DZIP1: variants seen among roughly 807,000 people sequenced by gnomAD.
The protein encoded by DZIP1 is cilium assembly protein DZIP1.
Under a neutral mutation model 107.6 loss-of-function variants are expected in DZIP1, and 97 were observed. That is an observed-to-expected ratio of 0.90 (90% CI 0.77 to 1.07). The LOEUF (loss-of-function observed/expected upper bound fraction) is 1.07. DZIP1 is among the 50% of genes least tolerant of loss of function. DZIP1 has a pLI of 0.00. For missense variants in DZIP1, 1,035 were observed against 1,063.6 expected, an observed-to-expected ratio of 0.97 and a Z score of 0.37; for synonymous variants, 390 against 386.4, an observed-to-expected ratio of 1.01 and a Z score of -0.11.
intron 10 of DZIP1, among the ~76,000 whole-genome samples, 168 bp downstream of exon 10, chr13:95,619,717 A>G (rs928926229): frequency 3.3e-5 from 5 of 152,156 alleles, no homozygotes; most frequent in African/African-American, 1.2e-4. Flanking sequence ...AATTATAAGA[A>G]AGTAGTAGCA....
intron 6 of DZIP1, chr13:95,630,750 G>A: frequency 2.3e-6 from 3 of 1,284,272 alleles, no homozygotes; most frequent in South Asian, 1.3e-5. Flanking sequence ...ATGTACATGT[G>A]TCTGTGAGTG....
chr13:95,627,425 T>C (rs190974675), intron 7 of DZIP1, among the ~76,000 whole-genome samples: 13 of 152,166 alleles, frequency 8.5e-5, no homozygotes, highest in Non-Finnish European at 1.6e-4. Context: ...AAATAACTCA[T>C]ACAGCTCAAC....
At chr13:95,631,466 C>CAA in intron 6 of DZIP1, among the ~76,000 whole-genome samples, 1 of 132,764 alleles carries the variant, frequency 7.5e-6, no homozygotes, top group East Asian at 2.2e-4. Context: ...GATTCCATCT[C>CAA]AAAAAAAAAA....
chr13:95,607,011 T>C (rs2044800421), intron 13 of DZIP1, among the ~76,000 whole-genome samples: 1 of 152,074 alleles, frequency 6.6e-6, no homozygotes, highest in Admixed American at 6.6e-5. Context: ...AATCTTACCC[T>C]AAAAAATACT....
intron 14 of DZIP1, among the ~76,000 whole-genome samples, chr13:95,602,946 CTTGTG>C (rs2138998435): frequency 6.6e-6 from 1 of 152,260 alleles, no homozygotes; most frequent in Admixed American, 6.5e-5. Flanking sequence ...TAAACTATTG[CTTGTG>C]TTAATTTTCA....
chr13:95,589,965 A>G, intron 17 of DZIP1, 33 bp from the exon 18 acceptor site: 3 of 1,605,818 alleles, frequency 1.9e-6, no homozygotes, highest in Non-Finnish European at 2.5e-6. Context: ...AGTCTCCATT[A>G]CCTTTATGAT....
intron 8 of DZIP1, among the ~76,000 whole-genome samples, chr13:95,623,473 G>A (rs972780878): frequency 9.9e-5 from 15 of 152,130 alleles, no homozygotes; most frequent in African/African-American, 2.4e-4. Context: ...GTAACACAAA[G>A]TCTCAGACAA....
At chr13:95,594,832 G>A (rs2044400682) in intron 15 of DZIP1, among the ~76,000 whole-genome samples, 1 of 151,562 alleles carries the variant, frequency 6.6e-6, no homozygotes, top group Non-Finnish European at 1.5e-5. Context: ...AAAAACAATA[G>A]GACATATTCT....
intron 22 of DZIP1, among the ~76,000 whole-genome samples, chr13:95,584,182 G>A (rs563648447): frequency 5.3e-5 from 8 of 151,744 alleles, no homozygotes; most frequent in African/African-American, 1.7e-4. Context: ...TCACCATGTT[G>A]GCCAGGATGG....
At chr13:95,606,750 G>A (rs1035989319) in intron 13 of DZIP1, among the ~76,000 whole-genome samples, 7 of 152,172 alleles carry the variant, frequency 4.6e-5, no homozygotes, top group African/African-American at 1.4e-4. Flanking sequence ...TCACTGGGCT[G>A]GAAGACATTA....
In DZIP1 at chr13:95,641,462, T is replaced by A. The variant is rs1878487513; in HGVS notation, c.430A>T (p.Thr144Ser). The change falls in exon 5 of 23, where the codon ACC becomes TCC. Residue 144 changes from threonine (T) to serine (S), a missense_variant. Physicochemically the swap from Thr to Ser is moderately conservative, Grantham distance 58. Coordinates refer to ENST00000376829, the MANE Select transcript of DZIP1 (RefSeq NM_198968.4). The surrounding 1 kb of genome is among the most constrained non-coding windows in gnomAD (Gnocchi z 4.3). ...SQEFLTSQLH[T>S]LEERLRLSHC... ...CTCAGGCGCAGCCGCTCCTCCAGGG[T>A]GTGCAGCTGCGAGGTGAGGAACTCT... 3.7e-6 allele frequency: 6 copies of A among 1,613,992 alleles called. No homozygotes were observed. The highest frequency in any genetic ancestry group is 5.1e-6 in the Non-Finnish European group (6 of 1,180,006).
Position 95,587,549 on chromosome 13 carries a change from G to T in DZIP1, c.2208C>A (p.Pro736=), listed in dbSNP as rs777381535. The T allele has an allele frequency of 2.5e-6, 4 of 1,613,810 alleles. No individual in the cohort carries two copies. The highest frequency in any genetic ancestry group is 3.4e-6 in the Non-Finnish European group (4 of 1,179,932). ...AAGGTAACAGCTCACCTGCGGGCTTGGGAGAATCATCAGTGTCCTCGATTT... is the reference window on the plus strand; with the variant it reads ...AAGGTAACAGCTCACCTGCGGGCTTTGGAGAATCATCAGTGTCCTCGATTT... ...GSEIEDTDDS[P]KPAGVAVKTP... is the part of the protein sequence containing the mutation. Residue 736 remains proline (P), a synonymous_variant, in exon 20 of 23, where the codon CCC becomes CCA. Transcript: ENST00000376829.
chr13:95,642,857 T>C (rs1445582368), intron 3 of DZIP1, among the ~76,000 whole-genome samples, 186 bp downstream of exon 3: 3 of 152,208 alleles, frequency 2.0e-5, no homozygotes, highest in Non-Finnish European at 4.4e-5. Context: ...CTTTCTTCCT[T>C]TGTAGGTTAG....
In DZIP1 at chr13:95,578,918, G is replaced by C. The variant is rs2043976053; in HGVS notation, c.*3316C>G. 6.6e-6 allele frequency: 1 copy of C among 152,204 alleles called. No individual in the cohort carries two copies. Among genetic ancestry groups the C allele is most frequent in the South Asian group, 2.1e-4 (1 of 4,822 alleles). 9.4% of individuals were successfully genotyped at this position (152,204 alleles called of 1,614,324 possible). A position where few individuals can be genotyped will look rare whatever the true frequency, so the allele number is the denominator to read the frequency against. ...GTCATGTGGCACATCCATGTTAAGGGGCTGAGGCGTCCCTGGCACGGAATG... is the reference window on the plus strand; with the variant it reads ...GTCATGTGGCACATCCATGTTAAGGCGCTGAGGCGTCCCTGGCACGGAATG... On this transcript the variant is annotated 3_prime_UTR_variant, in exon 23 of 23. Coordinates refer to ENST00000376829, the MANE Select transcript of DZIP1 (RefSeq NM_198968.4).
At position 95,578,609 on chromosome 13, in the gene DZIP1, C is replaced by T. The variant is rs1219769697; in HGVS notation, c.*3625G>A. ...CTACAGGATCAGAGAGGATCTTGCTCATTCATGGCCATATCCACATGCCCA... is the reference window on the plus strand; with the variant it reads ...CTACAGGATCAGAGAGGATCTTGCTTATTCATGGCCATATCCACATGCCCA... On this transcript the variant is annotated 3_prime_UTR_variant, in exon 23 of 23. Transcript: ENST00000376829. 6.6e-6 allele frequency: 1 copy of T among 152,176 alleles called. No individual in the cohort carries two copies. Among genetic ancestry groups the T allele is most frequent in the African/African-American group, 2.4e-5 (1 of 41,428 alleles). 9.4% of individuals were successfully genotyped at this position (152,176 alleles called of 1,614,324 possible).
Position 95,587,746 on chromosome 13 carries a change from C to G in DZIP1, c.2028-17G>C, listed in dbSNP as rs764136702. On this transcript the variant is annotated splice_polypyrimidine_tract_variant and intron_variant, in intron 19 of 22. Transcript: ENST00000376829. ...GGAGGGGTCCTACACAAATCAACAC[C>G]GAGATAGGGGCGCTGTTTTCGTAAC... 2.5e-6 allele frequency: 4 copies of G among 1,608,834 alleles called. No homozygotes were observed. Among genetic ancestry groups the G allele is most frequent in the Non-Finnish European group, 3.4e-6 (4 of 1,177,662 alleles).
rs752349120 is a variant in DZIP1, at chr13:95,619,894, C to G, written c.1164G>C (p.Glu388Asp). The part of the protein sequence containing the change: ...VQAIHQEHKK[E>D]KGRLLSHIEK... ...GGTTTCTTAACCTTACCCGACCCTT[C>G]TCTTTCTTGTGTTCTTGATGAATAG... The change falls in exon 10 of 23, where the codon GAG becomes GAC. Residue 388 changes from glutamate to aspartate, a missense_variant. Glu to Asp is a conservative substitution (Grantham distance 45, BLOSUM62 2). Coordinates refer to ENST00000376829, the MANE Select transcript of DZIP1 (RefSeq NM_198968.4). 6.2e-7 allele frequency: 1 copy of G among 1,613,892 alleles called. No individual in the cohort carries two copies.
rs200588264 is a variant in DZIP1, at chr13:95,641,318, C to T, written c.574G>A (p.Glu192Lys). The stretch of plus-strand genomic sequence containing the variant: ...ACCTGGTAATAGTTGGCTTTGGCCT[C>T]GATCATCAGCTGCTGGGTGGAGATC... ...KMISTQQLMI[E>K]AKANYYQCHF... The change falls in exon 5 of 23, where the codon GAG (glutamate) becomes AAG (lysine). Residue 192 changes from glutamate to lysine, a missense_variant. Physicochemically the swap from Glu to Lys is moderately conservative, Grantham distance 56. Coordinates refer to ENST00000376829, the MANE Select transcript of DZIP1 (RefSeq NM_198968.4). The surrounding 1 kb of genome is among the most constrained non-coding windows in gnomAD (Gnocchi z 4.3). 1 of 1,596,662 alleles carries T rather than the reference C, an allele frequency of 6.3e-7. No individual in the cohort carries two copies. Among genetic ancestry groups the T allele is most frequent in the Middle Eastern group, 1.7e-4 (1 of 5,984 alleles).
intron 10 of DZIP1, among the ~76,000 whole-genome samples, chr13:95,615,376 A>G (rs995490421): frequency 1.3e-5 from 2 of 152,200 alleles, no homozygotes; most frequent in African/African-American, 4.8e-5. Flanking sequence ...CTGTCCCTAA[A>G]TACCAATGCT....
Sources: allele counts gnomAD v4.1 joint callset (sites outside exome capture counted in the v4.1 genomes callset), GRCh38; gene constraint gnomAD v4.1.1; non-coding constraint Gnocchi (gnomAD v3.1); transcripts MANE v1.5; gene names NCBI Gene and HGNC (gene_info 2026-07-23, HGNC 2026-07-21).